SAMMSON: variants seen among roughly 807,000 people sequenced by gnomAD.
The protein encoded by SAMMSON is survival associated mitochondrial melanoma specific oncogenic non-coding RNA, also known as long intergenic non-protein coding RNA 1212.
intron 4 of SAMMSON, among the ~76,000 whole-genome samples, chr3:70,099,003 T>C (rs2067333168): frequency 6.6e-6 from 1 of 152,204 alleles, no homozygotes; most frequent in Admixed American, 6.5e-5. Context: ...TTTCTCTATG[T>C]CACTTAATTT....
At chr3:70,124,980 C>G in intron 4 of SAMMSON, 1 of 646,474 alleles carries the variant, frequency 1.5e-6, no homozygotes, top group Non-Finnish European at 2.8e-6. Flanking sequence ...ATGCACAGTT[C>G]CATAGTCCAG....
In SAMMSON at chr3:70,145,793, G is replaced by GA. The variant is rs1292763651; in HGVS notation, n.507+74235dup. Among the ~76,000 whole-genome samples, 6 of 150,174 alleles carry GA rather than the reference G, an allele frequency of 4.0e-5. No homozygotes were observed. In the South Asian group the frequency reaches 6.3e-4, roughly 16 times the overall value. On this transcript the variant is annotated intron_variant and non_coding_transcript_variant, in intron 4 of 9. Coordinates refer to ENST00000642114, the Ensembl canonical transcript of SAMMSON. ...TCTTACCTTCCACCTTAAGAAACTA[G>GA]AAAAAAAGAGAAATGTTAACCAAAA...
chr3:70,198,826 G>A lies in SAMMSON; in HGVS notation n.508-50281G>A, dbSNP rs374232255. On this transcript the variant is annotated intron_variant and non_coding_transcript_variant, in intron 4 of 9. Transcript: ENST00000642114. ...TCTTCACTTAGAGCCAGCTTTTAGC[G>A]TGTGACCAACTCTCCCATATCTCAT... Among the ~76,000 whole-genome samples, 62 of 152,240 alleles carry A rather than the reference G, an allele frequency of 4.1e-4. No individual in the cohort carries two copies. In the South Asian group the frequency reaches 9.3e-3, roughly 23 times the overall value.
intron 4 of SAMMSON, among the ~76,000 whole-genome samples, chr3:70,235,158 G>T (rs1416110973): frequency 6.6e-6 from 1 of 152,078 alleles, no homozygotes; most frequent in African/African-American, 2.4e-5. Context: ...GTGAACCTTT[G>T]CATGAGGGGT....
At chr3:70,193,534 T>G (rs1701147389) in intron 4 of SAMMSON, among the ~76,000 whole-genome samples, 2 of 152,122 alleles carry the variant, frequency 1.3e-5, no homozygotes. Context: ...GCCCCTATGT[T>G]GATTATCACT....
At position 70,299,956 on chromosome 3, in the gene SAMMSON, C is replaced by T. The variant is rs377368823; in HGVS notation, n.739+8713C>T. On this transcript the variant is annotated intron_variant and non_coding_transcript_variant, in intron 7 of 9. Coordinates refer to ENST00000642114, the Ensembl canonical transcript of SAMMSON. ...CCTTTCTCCAGTCAAACGTAGCTAT[C>T]GTTCTCTGAAAAGAACATACCCCAG... Among the ~76,000 whole-genome samples the T allele has an allele frequency of 6.6e-5, 10 of 152,190 alleles. No homozygotes were observed. The East Asian group carries it at 1.5e-3, about 24-fold the overall frequency.
chr3:70,311,685 C>G (rs545268848), intron 7 of SAMMSON, among the ~76,000 whole-genome samples: 1 of 151,688 alleles, frequency 6.6e-6, no homozygotes, highest in Admixed American at 6.6e-5. Context: ...ACAGGGACCA[C>G]AAGAAGCATT....
intron 7 of SAMMSON, among the ~76,000 whole-genome samples, chr3:70,293,965 C>G (rs1217642809): frequency 6.6e-6 from 1 of 151,992 alleles, no homozygotes; most frequent in African/African-American, 2.4e-5. Context: ...AGCATACAAG[C>G]AGAAGCTCAA....
intron 7 of SAMMSON, among the ~76,000 whole-genome samples, chr3:70,306,830 T>C (rs1559559760): frequency 6.6e-6 from 1 of 152,208 alleles, no homozygotes; most frequent in Non-Finnish European, 1.5e-5. Context: ...ATTTCAATAC[T>C]CTTAGCTTCA....
intron 3 of SAMMSON, among the ~76,000 whole-genome samples, chr3:70,017,728 A>T (rs550501009): frequency 6.6e-6 from 1 of 152,114 alleles, no homozygotes. Flanking sequence ...GTTTGTCATA[A>T]ATAGCTCTTA....
chr3:70,098,185 A>G (rs2067329536), intron 4 of SAMMSON, among the ~76,000 whole-genome samples: 1 of 152,166 alleles, frequency 6.6e-6, no homozygotes, highest in Non-Finnish European at 1.5e-5. Flanking sequence ...TTTTGAGACT[A>G]GAGTCCAGAT....
chr3:70,252,611 G>A (rs1268317795), intron 6 of SAMMSON, among the ~76,000 whole-genome samples: 1 of 152,196 alleles, frequency 6.6e-6, no homozygotes, highest in African/African-American at 2.4e-5. Flanking sequence ...GTAAACCGGA[G>A]AAGATGTGCC....
At chr3:70,106,745 CT>C (rs1193465022) in intron 4 of SAMMSON, among the ~76,000 whole-genome samples, 1 of 152,132 alleles carries the variant, frequency 6.6e-6, no homozygotes, top group African/African-American at 2.4e-5. Flanking sequence ...AGGGGCGACT[CT>C]TAAAATTCAG....
intron 4 of SAMMSON, among the ~76,000 whole-genome samples, chr3:70,094,375 G>A (rs908877120): frequency 6.6e-6 from 1 of 152,050 alleles, no homozygotes; most frequent in Non-Finnish European, 1.5e-5. Context: ...ATATGATTAC[G>A]TGAGCCTCCC....
At chr3:70,087,513 TTCCTTCCACAGGGAGGAAGGAATA>T (rs1398943405) in intron 4 of SAMMSON, among the ~76,000 whole-genome samples, 2 of 152,168 alleles carry the variant, frequency 1.3e-5, no homozygotes, top group Non-Finnish European at 2.9e-5. Context: ...ATTTTGTGGA[TTCCTTCCACAGGGAGGAAGGAATA>T]TCCTTCCTCT....
intron 3 of SAMMSON, among the ~76,000 whole-genome samples, chr3:70,060,157 GACTT>G (rs1444768745): frequency 6.6e-6 from 1 of 152,132 alleles, no homozygotes; most frequent in Non-Finnish European, 1.5e-5. Context: ...GTTAGTGCAA[GACTT>G]ACTTATTGCT....
intron 7 of SAMMSON, chr3:70,291,357 A>G (rs1402992846): frequency 2.0e-5 from 3 of 152,154 alleles, no homozygotes; most frequent in Non-Finnish European, 2.9e-5. Flanking sequence ...AACTCTTTAG[A>G]ACAGTGTTAT....
chr3:70,153,829 G>T (rs151009442), intron 4 of SAMMSON, among the ~76,000 whole-genome samples: 1,941 of 151,918 alleles, frequency 0.013, 17 homozygotes, highest in Non-Finnish European at 0.018. Flanking sequence ...AAACTGAAAC[G>T]CTGTACCCAC....
chr3:70,421,200 T>C (rs907079475), intron 2 of SAMMSON, among the ~76,000 whole-genome samples: 2 of 152,140 alleles, frequency 1.3e-5, no homozygotes, highest in Non-Finnish European at 2.9e-5. Context: ...GTCTTTTTTA[T>C]GCTAGCTATG....
Sources: gnomAD v4.1 joint callset for allele counts (sites outside exome capture counted in the v4.1 genomes callset) on GRCh38, gnomAD v4.1.1 for gene constraint, MANE v1.5 for transcripts, NCBI Gene and HGNC (gene_info 2026-07-23, HGNC 2026-07-21) for gene names.